Variants in CEP290 observed in about 807,000 individuals in gnomAD.
The protein encoded by CEP290 is centrosomal protein of 290 kDa.
CEP290 carries 317 observed loss-of-function variants against 344.9 expected under a neutral mutation model. The ratio of observed to expected loss-of-function variants is 0.92; its 90% confidence interval spans 0.84 to 1.01. The LOEUF (loss-of-function observed/expected upper bound fraction) is 1.01. Ranked by LOEUF, CEP290 falls within the 50% of genes least tolerant of loss-of-function variation. The pLI, the probability that CEP290 is intolerant of heterozygous loss-of-function variation, is 0.00. For synonymous variants in CEP290, 932 were observed against 895.8 expected (o/e 1.04, Z -0.72); for missense variants, 2,754 against 2,761.4 (o/e 1.00, Z 0.06).
At chr12:88,128,022 G>T (rs868370295) in intron 11 of CEP290, among the ~76,000 whole-genome samples, 1 of 152,124 alleles carries the variant, frequency 6.6e-6, no homozygotes, top group African/African-American at 2.4e-5. Context: ...GGGGTTGGTA[G>T]ACTATGGCCC....
intron 26 of CEP290, among the ~76,000 whole-genome samples, chr12:88,100,991 C>T (rs554650553): frequency 3.3e-5 from 5 of 152,166 alleles, no homozygotes; most frequent in Non-Finnish European, 7.4e-5. Flanking sequence ...TTCAGGTAAC[C>T]GGTAGCTTTT....
Position 88,080,499 on chromosome 12 carries a change from G to T in CEP290, c.5013-104C>A, listed in dbSNP as rs573710116. On this transcript the variant is annotated intron_variant, in intron 37 of 53. Coordinates refer to ENST00000552810, the MANE Select transcript of CEP290 (RefSeq NM_025114.4). ...GGCTGGAGTGCAGCAGCGCAATCTC[G>T]GCTGACTGCAACCTCTGCCTCCCAG... is the stretch of plus-strand genomic sequence containing the variant. 5.3e-6 allele frequency: 4 copies of T among 761,644 alleles called. No homozygotes were observed. In the Admixed American group the frequency reaches 9.1e-5, roughly 17 times the overall value. 47.2% of individuals were successfully genotyped at this position (761,644 alleles called of 1,614,324 possible).
intron 48 of CEP290, 25 bp downstream of exon 48, chr12:88,059,873 T>G: frequency 6.5e-7 from 1 of 1,549,252 alleles, no homozygotes; most frequent in South Asian, 1.2e-5. Context: ...AAATCAAAAG[T>G]TATAATCAGT....
In CEP290 at chr12:88,129,714, T is replaced by C; in HGVS notation, c.832A>G (p.Asn278Asp). The change falls in exon 10 of 54, where the codon AAC (asparagine) becomes GAC (aspartate). Residue 278 changes from asparagine (N) to aspartate (D), a missense_variant. Physicochemically the swap from Asn to Asp is conservative, Grantham distance 23. Coordinates refer to ENST00000552810, the MANE Select transcript of CEP290 (RefSeq NM_025114.4). ...DNVIDQLKKE[N>D]DHYQLQVQEL... ...CTTACTTGAAGTTGATAATGATCGTTTTCTTTTTTTAACTGATCTATTACA... is the reference window on the plus strand; with the variant it reads ...CTTACTTGAAGTTGATAATGATCGTCTTCTTTTTTTAACTGATCTATTACA... 1 of 1,447,728 alleles carries C rather than the reference T, an allele frequency of 6.9e-7. No homozygotes were observed. The allele number at this position is 1,447,728 out of a possible 1,614,324, so 89.7% of individuals were successfully genotyped here.
chr12:88,055,456 G>A (rs566316163), intron 50 of CEP290, 120 bp downstream of exon 50: 292 of 753,736 alleles, frequency 3.9e-4, no homozygotes, highest in Non-Finnish European at 5.4e-4. Context: ...TGAATGGGGT[G>A]CCCTTCAGTT....
At chr12:88,090,694 G>A in intron 30 of CEP290, 34 bp downstream of exon 30, 1 of 1,264,750 alleles carries the variant, frequency 7.9e-7, no homozygotes, top group East Asian at 2.6e-5. Context: ...GGAAAAAAGT[G>A]GATTCTATGT....
chr12:88,097,564 C>T (rs531302798), intron 26 of CEP290, among the ~76,000 whole-genome samples: 38 of 150,688 alleles, frequency 2.5e-4, no homozygotes, highest in South Asian at 2.1e-3. Context: ...AGCATGAGAA[C>T]GGACTAATAC....
intron 25 of CEP290, chr12:88,103,543 G>C (rs550227407): frequency 6.6e-6 from 1 of 152,366 alleles, no homozygotes; most frequent in Admixed American, 6.5e-5. Context: ...AGGACTTTAA[G>C]TTACTTGGTT....
intron 49 of CEP290, among the ~76,000 whole-genome samples, chr12:88,056,768 G>A (rs2034039681): frequency 6.6e-6 from 1 of 152,190 alleles, no homozygotes. Context: ...CTATAAAGAT[G>A]TCAGCATGAG....
At chr12:88,127,605 A>G (rs958463832) in intron 11 of CEP290, among the ~76,000 whole-genome samples, 1 of 152,230 alleles carries the variant, frequency 6.6e-6, no homozygotes, top group Admixed American at 6.5e-5. Context: ...AAAAAATAAT[A>G]AATTTAACTA....
intron 6 of CEP290, among the ~76,000 whole-genome samples, chr12:88,134,504 C>G (rs778479097): frequency 1.3e-5 from 2 of 152,180 alleles, no homozygotes; most frequent in African/African-American, 2.4e-5. Context: ...AGGAAAAGAA[C>G]CAAATTCATT....
Position 88,129,820 on chromosome 12 carries a change from A to G in CEP290, c.726T>C (p.Asn242=), listed in dbSNP as rs949161264. The G allele has an allele frequency of 4.1e-6, 6 of 1,465,588 alleles. No individual in the cohort carries two copies. Among genetic ancestry groups the G allele is most frequent in the Non-Finnish European group, 4.5e-6 (5 of 1,110,216 alleles). 90.8% of individuals were successfully genotyped at this position (1,465,588 alleles called of 1,614,324 possible). A position where few individuals can be genotyped will look rare whatever the true frequency, so the allele number is the denominator to read the frequency against. Residue 242 remains asparagine, a synonymous_variant, in exon 10 of 54, where the codon AAT becomes AAC. Transcript: ENST00000552810. ...CCATTTCCTGTACAGACTCTTCTAA[A>G]TTTTTTCTCATTTCTTGATTCTGAA... ...IEVQNQEMRK[N]LEESVQEMEK...
chr12:88,141,011 C>CT lies in CEP290; in HGVS notation c.124dup (p.Ser42LysfsTer2). 6.3e-7 allele frequency: 1 copy of CT among 1,587,100 alleles called. No individual in the cohort carries two copies. The highest frequency in any genetic ancestry group is 8.6e-7 in the Non-Finnish European group (1 of 1,169,252). On this transcript the variant is annotated frameshift_variant, in exon 3 of 54. Transcript: ENST00000552810. LOFTEE classifies it high-confidence loss of function. ...GTGTATCACATTTTCTTGCTTTTCA[C>CT]TTTTTAGCTCATTTACTTCCACCTA...
At chr12:88,050,465 C>T in intron 52 of CEP290, 32 bp from the exon 53 acceptor site, 6 of 1,031,516 alleles carry the variant, frequency 5.8e-6, no homozygotes, top group Non-Finnish European at 8.9e-6. Flanking sequence ...TTAGACTCAG[C>T]TTTTTCCCAC....
intron 44 of CEP290, among the ~76,000 whole-genome samples, chr12:88,066,510 A>G (rs2034950173): frequency 6.8e-6 from 1 of 146,824 alleles, no homozygotes; most frequent in African/African-American, 2.5e-5. Context: ...GGGGTCTCTC[A>G]AGGCTGGTCT....
At chr12:88,063,846 G>T in intron 45 of CEP290, 135 bp downstream of exon 45, 1 of 700,794 alleles carries the variant, frequency 1.4e-6, no homozygotes, top group Non-Finnish European at 2.2e-6. Context: ...AAGAGCAAAT[G>T]TATAAAGTAT....
chr12:88,062,895 T>G, intron 45 of CEP290, 117 bp from the exon 46 acceptor site: 1 of 615,680 alleles, frequency 1.6e-6, no homozygotes, highest in Non-Finnish European at 2.9e-6. Context: ...AACCAAATAA[T>G]AGGGTCTCTA....
At position 88,077,300 on chromosome 12, in the gene CEP290, G is replaced by T; in HGVS notation, c.5631C>A (p.Leu1877=). 6.3e-7 allele frequency: 1 copy of T among 1,593,520 alleles called. No individual in the cohort carries two copies. Among genetic ancestry groups the T allele is most frequent in the Non-Finnish European group, 8.6e-7 (1 of 1,169,072 alleles). ...TCTCTAGTTTTTTAACTTTCCTTTG[G>T]AGTTCTTCAATTAGACTTTGTTTAT... is the stretch of plus-strand genomic sequence containing the variant. ...TDNKQSLIEE[L]QRKVKKLENQ... The change falls in exon 41 of 54, where the codon CTC becomes CTA. Residue 1877 remains leucine, a synonymous_variant. Transcript: ENST00000552810.
At chr12:88,119,436 T>A (rs1356189399) in intron 15 of CEP290, among the ~76,000 whole-genome samples, 1 of 152,164 alleles carries the variant, frequency 6.6e-6, no homozygotes, top group Non-Finnish European at 1.5e-5. Flanking sequence ...AATTACTCCT[T>A]AAAATACTCG....
Sources: allele counts gnomAD v4.1 joint callset (sites outside exome capture counted in the v4.1 genomes callset), GRCh38; gene constraint gnomAD v4.1.1; transcripts MANE v1.5; gene names NCBI Gene and HGNC (gene_info 2026-07-23, HGNC 2026-07-21).